The following SHTN1 variants were observed in gnomAD, a reference collection of about 807,000 sequenced individuals.
The protein encoded by SHTN1 is shootin 1, also known as shootin-1.
Under a neutral mutation model 83.1 loss-of-function variants are expected in SHTN1, and 42 were observed. That is an observed-to-expected ratio of 0.51 (90% confidence interval 0.39 to 0.65). The LOEUF is 0.65. Among genes scored for constraint, SHTN1 ranks in the 30% least tolerant of loss-of-function variants. The pLI is 0.00. For synonymous variants in SHTN1, 224 were observed against 247.7 expected, an observed-to-expected ratio of 0.90 and a Z score of 0.90; for missense variants, 622 against 737.8, an observed-to-expected ratio of 0.84 and a Z score of 1.82.
intron 15 of SHTN1, among the ~76,000 whole-genome samples, chr10:116,905,202 C>G (rs1847919497): frequency 7.1e-6 from 1 of 141,410 alleles, no homozygotes; most frequent in Non-Finnish European, 1.5e-5. Context: ...GAGCGAGACT[C>G]CGTCTCAAAA....
chr10:117,045,184 A>C (rs1029900353), intron 2 of SHTN1, among the ~76,000 whole-genome samples: 5 of 152,228 alleles, frequency 3.3e-5, no homozygotes, highest in Non-Finnish European at 5.9e-5. Context: ...CAGAAATAAA[A>C]GTAACAAACT....
At chr10:116,965,648 T>C (rs1320328971) in intron 3 of SHTN1, among the ~76,000 whole-genome samples, 1 of 152,230 alleles carries the variant, frequency 6.6e-6, no homozygotes, top group Non-Finnish European at 1.5e-5. Context: ...TAAAGGTAAA[T>C]GATATGAACT....
intron 1 of SHTN1, among the ~76,000 whole-genome samples, chr10:116,988,389 T>C (rs553406270): frequency 1.3e-5 from 2 of 151,796 alleles, no homozygotes; most frequent in South Asian, 4.2e-4. Context: ...CTAAAGGATC[T>C]TGATATAGTA....
At chr10:117,000,553 T>G (rs1851787016) in intron 1 of SHTN1, among the ~76,000 whole-genome samples, 1 of 152,178 alleles carries the variant, frequency 6.6e-6, no homozygotes, top group African/African-American at 2.4e-5. Context: ...TGGTGGTGGT[T>G]GTTTTCCTCT....
In SHTN1 at chr10:117,043,825, G is replaced by C. The variant is rs551133899; in HGVS notation, c.-123+4620C>G. On this transcript the variant is annotated intron_variant, in intron 2 of 17. Transcript: ENST00000392901. The stretch of plus-strand genomic sequence containing the variant: ...CTACTGCACTCCAGCCTGGGCAACA[G>C]AGCAAGACCCTGTCTCAATAAATAA... 3.9e-5 allele frequency among the ~76,000 whole-genome samples: 6 copies of C among 152,160 alleles called. No homozygotes were observed. In the East Asian group the frequency reaches 1.2e-3, roughly 29 times the overall value.
intron 2 of SHTN1, among the ~76,000 whole-genome samples, chr10:116,969,246 G>A (rs1388937947): frequency 6.6e-6 from 1 of 152,076 alleles, no homozygotes; most frequent in Non-Finnish European, 1.5e-5. Context: ...CCAGAGACCA[G>A]CTTGGCCAAC....
chr10:116,912,400 A>C (rs1848233871), intron 13 of SHTN1, among the ~76,000 whole-genome samples: 1 of 152,242 alleles, frequency 6.6e-6, no homozygotes, highest in African/African-American at 2.4e-5. Flanking sequence ...ACCTGGCTAC[A>C]GGAGAAAGTT....
In SHTN1 at chr10:116,984,110, C is replaced by T. The variant is rs528037529; in HGVS notation, c.59-4802G>A. Reference sequence around the variant, plus strand: ...TTGTCTGGGATTTTGTCAGTTTTAGCGCTGAAAGTTCAGCATCCTAGGAAA... The same window carrying T: ...TTGTCTGGGATTTTGTCAGTTTTAGTGCTGAAAGTTCAGCATCCTAGGAAA... On this transcript the variant is annotated intron_variant, in intron 1 of 16. Coordinates refer to ENST00000355371, the MANE Select transcript of SHTN1 (RefSeq NM_001127211.3). Among the ~76,000 whole-genome samples, 3 of 152,192 alleles carry T rather than the reference C, an allele frequency of 2.0e-5. No homozygotes were observed. In the South Asian group the frequency reaches 6.2e-4, roughly 32 times the overall value.
At chr10:116,973,386 C>G (rs1478871651) in intron 2 of SHTN1, among the ~76,000 whole-genome samples, 1 of 152,140 alleles carries the variant, frequency 6.6e-6, no homozygotes, top group Non-Finnish European at 1.5e-5. Flanking sequence ...ATGCACAATA[C>G]CAAGACAGGG....
chr10:116,997,144 C>T (rs1010850504), intron 1 of SHTN1, among the ~76,000 whole-genome samples: 8 of 152,242 alleles, frequency 5.3e-5, no homozygotes, highest in Non-Finnish European at 1.0e-4. Flanking sequence ...CAACCCATAT[C>T]ACCTCAGAGA....
At chr10:116,977,526 T>C (rs2101264) in intron 2 of SHTN1, among the ~76,000 whole-genome samples, 45,320 of 152,106 alleles carry the variant, frequency 0.3, 7,074 homozygotes, top group East Asian at 0.52. Context: ...CTTTGGAATT[T>C]TGGGGCATCA....
intron 1 of SHTN1, among the ~76,000 whole-genome samples, chr10:117,087,325 G>A (rs1045161681): frequency 1.3e-5 from 2 of 152,156 alleles, no homozygotes; most frequent in African/African-American, 4.8e-5. Context: ...AAGGAAAGGG[G>A]AGTAACCCTA....
At chr10:116,920,865 C>T (rs1848537531) in intron 12 of SHTN1, among the ~76,000 whole-genome samples, 1 of 152,176 alleles carries the variant, frequency 6.6e-6, no homozygotes, top group Non-Finnish European at 1.5e-5. Flanking sequence ...CTAAACACCA[C>T]CACCCAACCC....
intron 1 of SHTN1, among the ~76,000 whole-genome samples, chr10:116,988,486 AT>A (rs576097929): frequency 1.4e-5 from 2 of 147,600 alleles, no homozygotes; most frequent in Non-Finnish European, 3.0e-5. Context: ...ATTATTTTAT[AT>A]TTTTTCTTTT....
In SHTN1 at chr10:117,017,360, G is replaced by A. The variant is rs189464290; in HGVS notation, c.-123+31085C>T. Among the ~76,000 whole-genome samples, 103 of 151,658 alleles carry A rather than the reference G, an allele frequency of 6.8e-4. 2 individuals carry two copies. The East Asian group carries it at 0.019, about 27-fold the overall frequency. ...CAAAAAATTAGCCGGGTGCAGTGGC[G>A]GGTGCCTGTAGTCCCAGCTACTCGG... On this transcript the variant is annotated intron_variant, in intron 2 of 17. Transcript: ENST00000392901.
At chr10:117,000,121 C>T (rs1290421730) in intron 1 of SHTN1, among the ~76,000 whole-genome samples, 3 of 152,088 alleles carry the variant, frequency 2.0e-5, no homozygotes, top group Non-Finnish European at 4.4e-5. Context: ...TTGTACCACA[C>T]TTTGAAAAAT....
intron 3 of SHTN1, among the ~76,000 whole-genome samples, chr10:116,965,161 T>C (rs1850343400): frequency 6.6e-6 from 1 of 152,128 alleles, no homozygotes; most frequent in African/African-American, 2.4e-5. Flanking sequence ...AAAAGTATGC[T>C]AAGCTAGGGA....
intron 10 of SHTN1, among the ~76,000 whole-genome samples, chr10:116,928,544 G>A (rs1433178734): frequency 6.6e-6 from 1 of 152,174 alleles, no homozygotes; most frequent in Non-Finnish European, 1.5e-5. Context: ...TGACTTCAAA[G>A]AACTGAACTT....
At chr10:116,904,121 T>C (rs1847865701) in intron 15 of SHTN1, among the ~76,000 whole-genome samples, 3 of 152,210 alleles carry the variant, frequency 2.0e-5, no homozygotes. Flanking sequence ...TTCCTTTCTC[T>C]ACTTGTGACT....
Sources: allele counts gnomAD v4.1 joint callset (sites outside exome capture counted in the v4.1 genomes callset), GRCh38; gene constraint gnomAD v4.1.1; transcripts MANE v1.5; gene names NCBI Gene and HGNC (gene_info 2026-07-23, HGNC 2026-07-21).